The following TPD52 variants were observed in gnomAD, a reference collection of about 807,000 sequenced individuals.
TPD52 encodes the protein tumor protein D52.
TPD52 carries 17 observed loss-of-function variants against 31.3 expected under a neutral mutation model. The observed-to-expected ratio is 0.54, with a 90% CI of 0.37 to 0.82. The LOEUF is 0.82. Among genes scored for constraint, TPD52 ranks in the 40% least tolerant of loss-of-function variants. The pLI, the probability that TPD52 is intolerant of heterozygous loss-of-function variation, is 0.00. For synonymous variants in TPD52, 83 were observed against 89.6 expected (o/e 0.93, Z 0.42); for missense variants, 212 against 240.1 (o/e 0.88, Z 0.77).
intron 1 of TPD52, among the ~76,000 whole-genome samples, chr8:80,088,097 C>T (rs114879724): frequency 0.017 from 2,526 of 152,246 alleles, 66 homozygotes; most frequent in African/African-American, 0.057. Flanking sequence ...GTAAAGGAGC[C>T]GCAGTTTGAA....
intron 1 of TPD52, among the ~76,000 whole-genome samples, chr8:80,163,581 T>G (rs545932887): frequency 6.6e-6 from 1 of 152,328 alleles, no homozygotes; most frequent in African/African-American, 2.4e-5. Context: ...TATCGTACTG[T>G]ACATTTAAAA....
Position 80,036,002 on chromosome 8 carries a change from CT to C in TPD52, c.*2113del. ...AAATCCATCCTCACTCTTTTTAATA[CT>C]TCTTTCAAGGGGCAGAGTACTTTAC... On this transcript the variant is annotated 3_prime_UTR_variant, in exon 8 of 8. Coordinates refer to ENST00000518937, the MANE Select transcript of TPD52 (RefSeq NM_001025253.3). 1 of 152,208 alleles carries C rather than the reference CT, an allele frequency of 6.6e-6. No homozygotes were observed. Among genetic ancestry groups the C allele is most frequent in the South Asian group, 2.1e-4 (1 of 4,824 alleles). 9.4% of individuals were successfully genotyped at this position (152,208 alleles called of 1,614,324 possible). A position where few individuals can be genotyped will look rare whatever the true frequency, so the allele number is the denominator to read the frequency against.
intron 1 of TPD52, among the ~76,000 whole-genome samples, chr8:80,132,819 A>G (rs921808555): frequency 6.6e-6 from 1 of 152,174 alleles, no homozygotes; most frequent in African/African-American, 2.4e-5. Flanking sequence ...AGAGAAAGAA[A>G]CATGGGTCTC....
intron 1 of TPD52, 123 bp from the exon 2 acceptor site, chr8:80,064,716 A>C (rs1812934129): frequency 1.3e-6 from 1 of 746,488 alleles, no homozygotes; most frequent in Non-Finnish European, 2.4e-6. Context: ...TCATCTCTGG[A>C]TATTCAAATG....
rs566430015 is a variant in TPD52, at chr8:80,096,607, T to A, written c.20-32014A>T. Among the ~76,000 whole-genome samples, 54 of 152,290 alleles carry A rather than the reference T, an allele frequency of 3.5e-4. 1 individual carries two copies. Among genetic ancestry groups the A allele is most frequent in the African/African-American group, 1.3e-3 (53 of 41,558 alleles). ...GCATCACATTTTGCTAATTCTCTCA[T>A]TATTTCAAACTTTTTCATTATTATT... On this transcript the variant is annotated intron_variant, in intron 1 of 7. Transcript: ENST00000518937.
At chr8:80,089,922 G>A (rs569075513) in intron 1 of TPD52, among the ~76,000 whole-genome samples, 1 of 152,156 alleles carries the variant, frequency 6.6e-6, no homozygotes, top group South Asian at 2.1e-4. Flanking sequence ...GGAATCAAGG[G>A]AGGAGAGAAA....
At chr8:80,138,100 C>A (rs759119872) in intron 1 of TPD52, among the ~76,000 whole-genome samples, 1 of 152,112 alleles carries the variant, frequency 6.6e-6, no homozygotes, top group East Asian at 1.9e-4. Flanking sequence ...TGCGCCACCA[C>A]GCCCGGCTAA....
intron 1 of TPD52, among the ~76,000 whole-genome samples, chr8:80,088,835 G>GA (rs528761289): frequency 2.0e-5 from 3 of 152,228 alleles, no homozygotes; most frequent in East Asian, 3.9e-4. Context: ...CTTTTTCACA[G>GA]AAAAAAGGCC....
downstream of TPD52, among the ~76,000 whole-genome samples, chr8:80,031,360 T>C (rs1357314275): frequency 6.6e-6 from 1 of 152,250 alleles, no homozygotes; most frequent in Non-Finnish European, 1.5e-5. Flanking sequence ...CATAAAATTA[T>C]TACTAGCTAA....
rs146643627 is a variant in TPD52, at chr8:80,038,654, G to GT, written c.505-420dup. ...AATACAACATGGGAAAGAAATATAT[G>GT]TTTTTTTCTCAGTTACAGTATAAGC... On this transcript the variant is annotated intron_variant, in intron 7 of 7. Coordinates refer to ENST00000518937, the MANE Select transcript of TPD52 (RefSeq NM_001025253.3). 2.7e-3 allele frequency among the ~76,000 whole-genome samples: 406 copies of GT among 152,240 alleles called. 5 individuals are homozygous for GT. The highest frequency in any genetic ancestry group is 9.2e-3 in the African/African-American group (383 of 41,550).
intron 1 of TPD52, among the ~76,000 whole-genome samples, chr8:80,096,237 C>G (rs1404695583): frequency 1.3e-5 from 2 of 151,894 alleles, no homozygotes; most frequent in Admixed American, 6.6e-5. Flanking sequence ...GCCTGAGTGA[C>G]AAGAGCAAGA....
rs755811731 is a variant in TPD52, at chr8:80,171,410, G to C, written c.19+15C>G. ...TCCAAGCCCGAGCCCAAGCCCGCTGGGTCCGCGCCCTCACCTTGCTCGCCG... is the reference window on the plus strand; with the variant it reads ...TCCAAGCCCGAGCCCAAGCCCGCTGCGTCCGCGCCCTCACCTTGCTCGCCG... On this transcript the variant is annotated intron_variant, in intron 1 of 7. Transcript: ENST00000518937. The C allele has an allele frequency of 6.3e-7, 1 of 1,596,202 alleles. No individual in the cohort carries two copies. Among genetic ancestry groups the C allele is most frequent in the Admixed American group, 1.7e-5 (1 of 59,808 alleles).
At chr8:80,107,265 G>C (rs575771537) in intron 1 of TPD52, among the ~76,000 whole-genome samples, 3 of 152,292 alleles carry the variant, frequency 2.0e-5, no homozygotes, top group Admixed American at 6.5e-5. Context: ...TGGACCTTTT[G>C]TTTTTCCTAC....
chr8:80,092,437 A>C (rs951662587), intron 1 of TPD52, among the ~76,000 whole-genome samples: 1 of 152,244 alleles, frequency 6.6e-6, no homozygotes, highest in Non-Finnish European at 1.5e-5. Flanking sequence ...GTATTTGCCC[A>C]AATGTAAAGA....
At chr8:80,160,932 C>T (rs577360559) in intron 1 of TPD52, among the ~76,000 whole-genome samples, 33 of 146,590 alleles carry the variant, frequency 2.3e-4, no homozygotes, top group African/African-American at 7.4e-4. Context: ...CATGGTGGCA[C>T]ATGCCTGTAG....
At chr8:80,083,140 C>G (rs901060269) in intron 1 of TPD52, among the ~76,000 whole-genome samples, 1 of 151,836 alleles carries the variant, frequency 6.6e-6, no homozygotes, top group Admixed American at 6.6e-5. Flanking sequence ...GGAAATGTAG[C>G]TTGGGGGCAG....
chr8:80,074,398 A>T (rs1417724154), intron 1 of TPD52, among the ~76,000 whole-genome samples: 5 of 152,192 alleles, frequency 3.3e-5, no homozygotes, highest in Non-Finnish European at 7.3e-5. Context: ...TCTGGATGTA[A>T]TAAAATCCCA....
intron 1 of TPD52, among the ~76,000 whole-genome samples, chr8:80,081,830 G>T (rs1815323274): frequency 6.6e-6 from 1 of 152,090 alleles, no homozygotes; most frequent in Non-Finnish European, 1.5e-5. Flanking sequence ...TCGATACAGA[G>T]CTTCGCTCTT....
intron 1 of TPD52, among the ~76,000 whole-genome samples, chr8:80,163,883 TGTG>T (rs1811525740): frequency 6.6e-6 from 1 of 152,160 alleles, no homozygotes; most frequent in Non-Finnish European, 1.5e-5. Flanking sequence ...TTTTTAATGA[TGTG>T]GTAAAATTCT....
Sources: gnomAD v4.1 joint callset for allele counts (sites outside exome capture counted in the v4.1 genomes callset) on GRCh38, gnomAD v4.1.1 for gene constraint, MANE v1.5 for transcripts, NCBI Gene and HGNC (gene_info 2026-07-23, HGNC 2026-07-21) for gene names.